ATP6V1C1: variants seen among roughly 807,000 people sequenced by gnomAD.
ATP6V1C1 encodes the protein ATPase H+ transporting V1 subunit C1, also known as V-type proton ATPase subunit C 1.
A neutral mutation model predicts 53.9 loss-of-function variants in ATP6V1C1; 45 were observed. That is an observed-to-expected ratio of 0.83 (90% CI 0.66 to 1.07). ATP6V1C1 has a LOEUF of 1.07. Among genes scored for constraint, ATP6V1C1 ranks in the 50% least tolerant of loss-of-function variants. ATP6V1C1 has a pLI of 0.00. For synonymous variants in ATP6V1C1, 153 were observed against 155.2 expected (o/e 0.99, Z 0.11); for missense variants, 315 against 440.3 (o/e 0.72, Z 2.55).
Position 103,070,929 on chromosome 8 carries a change from G to A in ATP6V1C1, c.*2182G>A, listed in dbSNP as rs1281620000. The A allele has an allele frequency of 1.3e-5, 2 of 152,322 alleles. No individual in the cohort carries two copies. The highest frequency in any genetic ancestry group is 2.9e-5 in the Non-Finnish European group (2 of 68,090). 9.4% of individuals were successfully genotyped at this position (152,322 alleles called of 1,614,324 possible). On this transcript the variant is annotated 3_prime_UTR_variant, in exon 13 of 13. Transcript: ENST00000518738. Reference sequence around the variant, plus strand: ...GCATTAGGGATGTTGGGGTGAGTCAGTGTGACCCCACGTGCACAGAAAGTG... The same window carrying A: ...GCATTAGGGATGTTGGGGTGAGTCAATGTGACCCCACGTGCACAGAAAGTG...
chr8:103,062,276 T>C (rs1817416225), intron 8 of ATP6V1C1, among the ~76,000 whole-genome samples: 1 of 144,192 alleles, frequency 6.9e-6, no homozygotes. Context: ...GCTCCAGTGA[T>C]CCTCCCACCT....
At position 103,057,755 on chromosome 8, in the gene ATP6V1C1, C is replaced by G. The variant is rs190510546; in HGVS notation, c.641+1819C>G. Among the ~76,000 whole-genome samples the G allele has an allele frequency of 3.9e-5, 6 of 152,158 alleles. No individual in the cohort carries two copies. In the East Asian group the frequency reaches 1.2e-3, roughly 29 times the overall value. On this transcript the variant is annotated intron_variant, in intron 8 of 12. Transcript: ENST00000518738. The stretch of plus-strand genomic sequence containing the variant: ...AAGACTTAATGGAGTATTCAAAATA[C>G]AAGATAATGTTACTGTATTTTCACA...
At chr8:103,021,549 A>C (rs1816588713) in intron 1 of ATP6V1C1, 1 of 147,008 alleles carries the variant, frequency 6.8e-6, no homozygotes, top group Non-Finnish European at 1.5e-5. Context: ...AGGGGAATGA[A>C]GTGATAGGTC....
rs1817571665 is a variant in ATP6V1C1 at position 103,070,666 on chromosome 8, T to C, written c.*1919T>C. 6.6e-6 allele frequency: 1 copy of C among 152,216 alleles called. No homozygotes were observed. Among genetic ancestry groups the C allele is most frequent in the Non-Finnish European group, 1.5e-5 (1 of 68,036 alleles). 9.4% of individuals were successfully genotyped at this position (152,216 alleles called of 1,614,324 possible). On this transcript the variant is annotated 3_prime_UTR_variant, in exon 13 of 13. Coordinates refer to ENST00000518738, the MANE Select transcript of ATP6V1C1 (RefSeq NM_001695.5). ...TGACTTTTAAGGTTTTATTTAGACTTTACTGTTGTTCTCATGAGAGTAGGT... is the reference window on the plus strand; with the variant it reads ...TGACTTTTAAGGTTTTATTTAGACTCTACTGTTGTTCTCATGAGAGTAGGT...
chr8:103,037,509 G>C (rs896581908), intron 1 of ATP6V1C1, among the ~76,000 whole-genome samples: 2 of 152,090 alleles, frequency 1.3e-5, no homozygotes, highest in Non-Finnish European at 2.9e-5. Flanking sequence ...TTGGTCATAA[G>C]AAGATATAAA....
intron 3 of ATP6V1C1, among the ~76,000 whole-genome samples, chr8:103,044,626 T>C (rs1235583906): frequency 6.6e-6 from 1 of 152,196 alleles, no homozygotes; most frequent in Non-Finnish European, 1.5e-5. Context: ...GTCTTGATTA[T>C]TGTAACTTTG....
At chr8:103,055,012 A>G (rs1427616971) in intron 7 of ATP6V1C1, among the ~76,000 whole-genome samples, 1 of 152,106 alleles carries the variant, frequency 6.6e-6, no homozygotes, top group East Asian at 1.9e-4. Flanking sequence ...TTGCACAGGG[A>G]GAAGGCCTTA....
At position 103,072,046 on chromosome 8, in the gene ATP6V1C1, A is replaced by G. The variant is rs1190257830; in HGVS notation, c.*3299A>G. The G allele has an allele frequency of 6.6e-6, 1 of 152,166 alleles. No individual in the cohort carries two copies. The highest frequency in any genetic ancestry group is 2.4e-5 in the African/African-American group (1 of 41,418). The allele number at this position is 152,166 out of a possible 1,614,324, so 9.4% of individuals were successfully genotyped here. On this transcript the variant is annotated 3_prime_UTR_variant, in exon 13 of 13. Coordinates refer to ENST00000518738, the MANE Select transcript of ATP6V1C1 (RefSeq NM_001695.5). ...GTTATTCAACCTAGGAGATTTTTCTACCTCTTTACTACCCTGCTGAAGTTG... is the reference window on the plus strand; with the variant it reads ...GTTATTCAACCTAGGAGATTTTTCTGCCTCTTTACTACCCTGCTGAAGTTG...
At chr8:103,026,094 A>C (rs1816689876) in intron 1 of ATP6V1C1, among the ~76,000 whole-genome samples, 2 of 152,378 alleles carry the variant, frequency 1.3e-5, no homozygotes, top group South Asian at 4.1e-4. Flanking sequence ...TTGCCTGTGC[A>C]GAGGAGGAGT....
chr8:103,029,973 A>G (rs1816767898), intron 1 of ATP6V1C1, among the ~76,000 whole-genome samples: 1 of 152,140 alleles, frequency 6.6e-6, no homozygotes, highest in African/African-American at 2.4e-5. Context: ...AGCTCAAGTG[A>G]TCCACCTGTC....
intron 1 of ATP6V1C1, among the ~76,000 whole-genome samples, chr8:103,032,769 C>T (rs973672387): frequency 2.0e-5 from 3 of 152,172 alleles, no homozygotes; most frequent in African/African-American, 7.2e-5. Context: ...TGAGCCACCA[C>T]ACCTGGCCAA....
intron 6 of ATP6V1C1, among the ~76,000 whole-genome samples, chr8:103,053,562 G>A (rs906991609): frequency 1.3e-5 from 2 of 151,878 alleles, no homozygotes; most frequent in African/African-American, 4.8e-5. Context: ...ATTATATGAT[G>A]GAATAGACTT....
At chr8:103,053,815 C>A in intron 6 of ATP6V1C1, 69 bp from the exon 7 acceptor site, 1 of 1,117,450 alleles carries the variant, frequency 8.9e-7, no homozygotes, top group Non-Finnish European at 1.4e-6. Context: ...AATGATTAGC[C>A]TGCTGTTTCT....
Position 103,042,327 on chromosome 8 carries a change from A to G in ATP6V1C1, c.133-13A>G, listed in dbSNP as rs1196104077. 4.3e-6 allele frequency: 7 copies of G among 1,612,334 alleles called. No individual in the cohort carries two copies. The highest frequency in any genetic ancestry group is 5.1e-6 in the Non-Finnish European group (6 of 1,179,000). On this transcript the variant is annotated splice_polypyrimidine_tract_variant and intron_variant, in intron 2 of 12. Transcript: ENST00000518738. Reference sequence around the variant, plus strand: ...AAGCATGCCACCTAAATAACAATATATTTTCCTTTTAGGTTGGCACGTTGG... The same window carrying G: ...AAGCATGCCACCTAAATAACAATATGTTTTCCTTTTAGGTTGGCACGTTGG...
At chr8:103,040,338 T>C (rs1361131282) in intron 1 of ATP6V1C1, among the ~76,000 whole-genome samples, 1 of 151,258 alleles carries the variant, frequency 6.6e-6, no homozygotes, top group Non-Finnish European at 1.5e-5. Flanking sequence ...CGCTTGAACC[T>C]GGGAGGCGGA....
intron 1 of ATP6V1C1, among the ~76,000 whole-genome samples, chr8:103,029,043 A>G (rs1248066416): frequency 6.6e-6 from 1 of 152,176 alleles, no homozygotes; most frequent in Non-Finnish European, 1.5e-5. Context: ...AAAAATATAC[A>G]GAAAGGATGA....
At chr8:103,042,285 GT>G (rs371500951) in intron 2 of ATP6V1C1, 54 bp from the exon 3 acceptor site, 16,804 of 1,077,476 alleles carry the variant, frequency 0.016, no homozygotes, top group Non-Finnish European at 0.017. Flanking sequence ...GAATCATCTT[GT>G]TTTTTTTTTT....
chr8:103,063,984 A>G (rs1817446573), intron 10 of ATP6V1C1, among the ~76,000 whole-genome samples: 1 of 152,196 alleles, frequency 6.6e-6, no homozygotes, highest in Non-Finnish European at 1.5e-5. Context: ...GGCAAACCCA[A>G]AATCCTTTTA....
chr8:103,031,523 T>G (rs1816795699), intron 1 of ATP6V1C1, among the ~76,000 whole-genome samples: 1 of 152,076 alleles, frequency 6.6e-6, no homozygotes, highest in Non-Finnish European at 1.5e-5. Context: ...AACAGTCAGA[T>G]CTCATGATAA....
Sources: allele counts gnomAD v4.1 joint callset (sites outside exome capture counted in the v4.1 genomes callset), GRCh38; gene constraint gnomAD v4.1.1; transcripts MANE v1.5; gene names NCBI Gene and HGNC (gene_info 2026-07-23, HGNC 2026-07-21).